Variants in RBFOX1 observed in about 807,000 individuals in gnomAD.
RBFOX1 encodes RNA binding protein fox-1 homolog 1.
A neutral mutation model predicts 57.7 loss-of-function variants in RBFOX1; 8 were observed. That is an observed-to-expected ratio of 0.14 (90% CI 0.08 to 0.25). The LOEUF (loss-of-function observed/expected upper bound fraction) is 0.25. RBFOX1 is among the 10% of genes least tolerant of loss of function. RBFOX1 has a pLI of 1.00. For synonymous variants in RBFOX1, 326 were observed against 222.4 expected (o/e 1.47, Z -4.15); for missense variants, 611 against 548.5 (o/e 1.11, Z -1.14).
intron 4 of RBFOX1, among the ~76,000 whole-genome samples, chr16:7,181,059 T>C (rs976656598): frequency 6.6e-6 from 1 of 152,220 alleles, no homozygotes; most frequent in African/African-American, 2.4e-5. Context: ...GCGAGGCTGA[T>C]TTGGTCCACA....
chr16:6,543,008 C>A lies in RBFOX1; in HGVS notation c.-63-111595C>A, dbSNP rs141885109. 8.3e-3 allele frequency among the ~76,000 whole-genome samples: 1,263 copies of A among 152,226 alleles called. 11 individuals carry two copies. The highest frequency in any genetic ancestry group is 0.027 in the African/African-American group (1,139 of 41,536). On this transcript the variant is annotated intron_variant, in intron 2 of 15. Transcript: ENST00000550418. ...TACTCTTTATCATTCCTCCTCCTCT[C>A]ACTCTCCCTCCCCAGGGCCACACTA...
chr16:5,704,236 G>A (rs1408047908), intron 3 of RBFOX1, among the ~76,000 whole-genome samples: 1 of 152,150 alleles, frequency 6.6e-6, no homozygotes. Context: ...GGATAAAACA[G>A]TAATAATTTG....
At chr16:6,125,294 T>C (rs373194128) in intron 1 of RBFOX1, among the ~76,000 whole-genome samples, 43 of 152,210 alleles carry the variant, frequency 2.8e-4, no homozygotes, top group African/African-American at 8.4e-4. Flanking sequence ...TGGAGGAGGA[T>C]AGAGATGGAG....
At chr16:5,583,535 A>T (rs908886848) in intron 2 of RBFOX1, among the ~76,000 whole-genome samples, 1 of 152,078 alleles carries the variant, frequency 6.6e-6, no homozygotes, top group Non-Finnish European at 1.5e-5. Flanking sequence ...GCAATCCTGG[A>T]GTGTCTCTGA....
chr16:7,557,417 C>T (rs1266654760), intron 5 of RBFOX1, among the ~76,000 whole-genome samples: 1 of 151,838 alleles, frequency 6.6e-6, no homozygotes, highest in African/African-American at 2.4e-5. Flanking sequence ...ATCAAGAATT[C>T]CAGACCAGCC....
At chr16:5,264,275 G>A (rs567151673) in intron 1 of RBFOX1, among the ~76,000 whole-genome samples, 26 of 152,276 alleles carry the variant, frequency 1.7e-4, no homozygotes, top group African/African-American at 4.8e-4. Context: ...AAGAGCCACC[G>A]TTTGATGTTG....
At chr16:6,220,731 C>CCA (rs5815293) in intron 1 of RBFOX1, among the ~76,000 whole-genome samples, 67,741 of 150,908 alleles carry the variant, frequency 0.45, 16,128 homozygotes, top group East Asian at 0.78. Context: ...CGCCCCCCCC[C>CCA]AGTGGAAAAT....
At position 6,702,547 on chromosome 16, in the gene RBFOX1, C is replaced by A. The variant is rs538750569; in HGVS notation, c.-16+47897C>A. On this transcript the variant is annotated intron_variant, in intron 3 of 15. Transcript: ENST00000550418. ...CCAGTCTGGGTGACAGAGCGAGAGT[C>A]CATCTCAAAAAAAAAAAACAAAAAT... 4.7e-4 allele frequency among the ~76,000 whole-genome samples: 35 copies of A among 74,836 alleles called. No homozygotes were observed. In the East Asian group the frequency reaches 0.013, roughly 28 times the overall value. 49.1% of individuals were successfully genotyped at this position (74,836 alleles called of 152,430 possible). A position where few individuals can be genotyped will look rare whatever the true frequency, so the allele number is the denominator to read the frequency against.
chr16:6,960,628 T>C (rs1244573568), intron 3 of RBFOX1, among the ~76,000 whole-genome samples: 1 of 152,068 alleles, frequency 6.6e-6, no homozygotes, highest in African/African-American at 2.4e-5. Context: ...TTTTCCTGCC[T>C]TCTCTCCTTC....
At chr16:6,686,869 C>T (rs775854053) in intron 3 of RBFOX1, among the ~76,000 whole-genome samples, 1 of 152,136 alleles carries the variant, frequency 6.6e-6, no homozygotes, top group South Asian at 2.1e-4. Flanking sequence ...ATTTTGAGTG[C>T]TTAAGACAAT....
At chr16:6,924,210 G>A (rs575177057) in intron 3 of RBFOX1, among the ~76,000 whole-genome samples, 2 of 149,634 alleles carry the variant, frequency 1.3e-5, no homozygotes, top group Non-Finnish European at 3.0e-5. Flanking sequence ...AATGCCACCT[G>A]AAACTGGGTA....
intron 11 of RBFOX1, among the ~76,000 whole-genome samples, chr16:7,632,132 G>C (rs9929687): frequency 0.47 from 71,359 of 152,016 alleles, 17,434 homozygotes; most frequent in East Asian, 0.75. Context: ...TGGTCTCAAA[G>C]TCCTGACCTC....
intron 4 of RBFOX1, among the ~76,000 whole-genome samples, chr16:7,285,491 A>C (rs1438372327): frequency 6.6e-6 from 1 of 151,906 alleles, no homozygotes; most frequent in Non-Finnish European, 1.5e-5. Flanking sequence ...CAGGATAACA[A>C]ACATTTCCAT....
chr16:5,595,278 C>G (rs937689964), intron 2 of RBFOX1, among the ~76,000 whole-genome samples: 9 of 152,174 alleles, frequency 5.9e-5, no homozygotes, highest in African/African-American at 1.9e-4. Flanking sequence ...CATGACAAAT[C>G]TGTATTGGAT....
chr16:7,349,757 TGTGA>T (rs1353729165), intron 4 of RBFOX1, among the ~76,000 whole-genome samples: 1 of 152,114 alleles, frequency 6.6e-6, no homozygotes, highest in Non-Finnish European at 1.5e-5. Flanking sequence ...CAGTTCCAGG[TGTGA>T]GTAAGACCAC....
chr16:6,778,098 C>T (rs1048323543), intron 3 of RBFOX1, among the ~76,000 whole-genome samples: 5 of 152,082 alleles, frequency 3.3e-5, no homozygotes, highest in African/African-American at 4.8e-5. Flanking sequence ...GTGGGATGCA[C>T]TGTTGCGAAT....
Position 6,610,955 on chromosome 16 carries a change from A to T in RBFOX1, c.-63-43648A>T, listed in dbSNP as rs372840485. ...TAAAATGTGGAAGATCATAATATAC[A>T]ATCTGCATTCACTTAGCAGCAACTT... On this transcript the variant is annotated intron_variant, in intron 2 of 15. Transcript: ENST00000550418. Among the ~76,000 whole-genome samples the T allele has an allele frequency of 1.6e-4, 24 of 152,322 alleles. No individual in the cohort carries two copies. The East Asian group carries it at 2.1e-3, about 13-fold the overall frequency.
chr16:5,720,832 A>G (rs60519069), intron 3 of RBFOX1, among the ~76,000 whole-genome samples: 110 of 152,298 alleles, frequency 7.2e-4, no homozygotes, highest in African/African-American at 2.5e-3. Context: ...TCATCACTGT[A>G]GCTTTGTAGA....
At chr16:6,715,406 G>A (rs1294546748) in intron 3 of RBFOX1, among the ~76,000 whole-genome samples, 1 of 152,130 alleles carries the variant, frequency 6.6e-6, no homozygotes, top group Non-Finnish European at 1.5e-5. Context: ...TTATAAATAT[G>A]TGATGCCATT....
Sources: gnomAD v4.1 joint callset for allele counts (sites outside exome capture counted in the v4.1 genomes callset) on GRCh38, gnomAD v4.1.1 for gene constraint, MANE v1.5 for transcripts, NCBI Gene and HGNC (gene_info 2026-07-23, HGNC 2026-07-21) for gene names.